Variants in ERC1 observed in about 807,000 individuals in gnomAD.
ERC1 encodes ELKS/RAB6-interacting/CAST family member 1.
ERC1 carries 56 observed loss-of-function variants against 132.0 expected under a neutral mutation model. That is an observed-to-expected ratio of 0.42 (90% confidence interval 0.34 to 0.53). The LOEUF (loss-of-function observed/expected upper bound fraction) is 0.53, where lower values mean the gene tolerates loss of function less well. ERC1 is among the 20% of genes least tolerant of loss of function. The pLI, the probability that ERC1 is intolerant of heterozygous loss-of-function variation, is 0.03. For synonymous variants in ERC1, 478 were observed against 476.1 expected (o/e 1.00, Z -0.05); for missense variants, 1,202 against 1,349.9 (o/e 0.89, Z 1.72).
At chr12:1,424,832 TAGATAGATAGATGATAGATA>T (rs1214247802) in intron 17 of ERC1, among the ~76,000 whole-genome samples, 202 of 124,396 alleles carry the variant, frequency 1.6e-3, no homozygotes, top group African/African-American at 5.6e-3. Context: ...GATAGATAGA[TAGATAGATAGATGATAGATA>T]GATAGATAGA....
intron 2 of ERC1, among the ~76,000 whole-genome samples, chr12:1,077,157 A>G (rs1941487989): frequency 6.7e-6 from 1 of 149,550 alleles, no homozygotes; most frequent in Non-Finnish European, 1.5e-5. Flanking sequence ...GATCTTCTTG[A>G]TAAACAGTGT....
intron 7 of ERC1, among the ~76,000 whole-genome samples, chr12:1,133,681 T>C (rs920837590): frequency 2.0e-5 from 3 of 152,208 alleles, no homozygotes; most frequent in African/African-American, 4.8e-5. Context: ...TTTACTCTCT[T>C]GGCAAATTTC....
At chr12:1,177,741 A>T (rs982994568) in intron 8 of ERC1, among the ~76,000 whole-genome samples, 1 of 152,246 alleles carries the variant, frequency 6.6e-6, no homozygotes, top group Admixed American at 6.5e-5. Flanking sequence ...CAGAGACACC[A>T]AGTTAGAAAG....
At chr12:1,237,042 T>C in intron 13 of ERC1, 138 bp downstream of exon 13, 1 of 1,004,762 alleles carries the variant, frequency 1.0e-6, no homozygotes, top group Non-Finnish European at 1.4e-6. Flanking sequence ...AGACCAACTG[T>C]TTAGCAATGA....
chr12:1,067,194 G>T (rs1302590602), intron 2 of ERC1, among the ~76,000 whole-genome samples: 1 of 152,112 alleles, frequency 6.6e-6, no homozygotes, highest in Non-Finnish European at 1.5e-5. Flanking sequence ...AAAAAGATTG[G>T]CAACCACTAA....
At chr12:1,032,857 T>G (rs1249468088) in intron 2 of ERC1, among the ~76,000 whole-genome samples, 4 of 151,872 alleles carry the variant, frequency 2.6e-5, no homozygotes, top group African/African-American at 4.8e-5. Context: ...TGATAGTACA[T>G]TCTCAGGTTT....
At chr12:1,046,449 A>G (rs1351073562) in intron 2 of ERC1, among the ~76,000 whole-genome samples, 1 of 152,218 alleles carries the variant, frequency 6.6e-6, no homozygotes, top group Non-Finnish European at 1.5e-5. Flanking sequence ...ATTATATGAA[A>G]TTCAAAATTC....
chr12:1,469,605 T>TG (rs900788776), intron 18 of ERC1, among the ~76,000 whole-genome samples: 1 of 152,196 alleles, frequency 6.6e-6, no homozygotes, highest in African/African-American at 2.4e-5. Context: ...CCACACTTTC[T>TG]GGGGGAACTG....
At chr12:1,352,174 C>A (rs1180541362) in intron 15 of ERC1, among the ~76,000 whole-genome samples, 5 of 152,134 alleles carry the variant, frequency 3.3e-5, no homozygotes, top group African/African-American at 1.2e-4. Flanking sequence ...CATCATATCA[C>A]CCTGTTCCTG....
At chr12:1,108,091 A>T (rs1310798845) in intron 4 of ERC1, among the ~76,000 whole-genome samples, 2 of 152,180 alleles carry the variant, frequency 1.3e-5, no homozygotes, top group East Asian at 3.8e-4. Flanking sequence ...TTGGTGCTAG[A>T]ACTAGTTGAG....
chr12:1,136,813 C>T (rs1245173571), intron 7 of ERC1, among the ~76,000 whole-genome samples: 1 of 151,840 alleles, frequency 6.6e-6, no homozygotes, highest in Admixed American at 6.6e-5. Context: ...TCCTAGATAT[C>T]CATGCATTTC....
In ERC1 at chr12:1,400,953, T is replaced by TTG. The variant is rs1477365626; in HGVS notation, c.2926-7196_2926-7195insTG. On this transcript the variant is annotated intron_variant, in intron 16 of 18. Coordinates refer to ENST00000360905, the MANE Select transcript of ERC1 (RefSeq NM_178040.4). ...TTTTTTTTTTTTTTTTTTTTTTTTT[T>TTG]GTGACGGAGTCTTGCTCTATCGCCC... 6.8e-4 allele frequency among the ~76,000 whole-genome samples: 61 copies of TTG among 90,338 alleles called. 15 individuals carry two copies. Among genetic ancestry groups the TTG allele is most frequent in the Non-Finnish European group, 1.0e-3 (43 of 42,174 alleles). 59.3% of individuals were successfully genotyped at this position (90,338 alleles called of 152,430 possible). A position where few individuals can be genotyped will look rare whatever the true frequency, so the allele number is the denominator to read the frequency against.
At chr12:1,032,934 G>A (rs906293809) in intron 2 of ERC1, among the ~76,000 whole-genome samples, 34 of 151,560 alleles carry the variant, frequency 2.2e-4, no homozygotes, top group African/African-American at 8.0e-4. Context: ...GTGCAGTGGC[G>A]TAACCTTGGC....
At chr12:1,472,117 T>C (rs1344395515) in intron 18 of ERC1, among the ~76,000 whole-genome samples, 1 of 152,148 alleles carries the variant, frequency 6.6e-6, no homozygotes, top group African/African-American at 2.4e-5. Context: ...CATTGTTGGG[T>C]ATTTGCCTGA....
chr12:1,145,023 C>CTT (rs1250285693), intron 8 of ERC1, among the ~76,000 whole-genome samples: 1 of 145,322 alleles, frequency 6.9e-6, no homozygotes, highest in African/African-American at 2.5e-5. Context: ...TGATGCAGAG[C>CTT]TTTTTTTTTT....
chr12:1,095,722 G>A (rs1943936298), intron 3 of ERC1, among the ~76,000 whole-genome samples: 1 of 152,100 alleles, frequency 6.6e-6, no homozygotes, highest in African/African-American at 2.4e-5. Context: ...TATTGACAAT[G>A]CGGGAGGCAT....
At chr12:1,018,287 C>T (rs1261198442) in intron 1 of ERC1, among the ~76,000 whole-genome samples, 2 of 152,150 alleles carry the variant, frequency 1.3e-5, no homozygotes, top group Non-Finnish European at 2.9e-5. Context: ...CTGCAACTTC[C>T]ACCTCCCGGC....
At chr12:1,352,703 G>A (rs938042628) in intron 15 of ERC1, among the ~76,000 whole-genome samples, 1 of 150,740 alleles carries the variant, frequency 6.6e-6, no homozygotes, top group East Asian at 1.9e-4. Context: ...CATGCACATA[G>A]TGGTCGCAGA....
rs1460417040 is a variant in ERC1 at position 1,033,947 on chromosome 12, G to A, written c.669+5375G>A. Reference sequence around the variant, plus strand: ...GCCCAGCTTAAATTCTGTTTTTATAGTTTGGTATTGAATTGTAAATATCAG... The same window carrying A: ...GCCCAGCTTAAATTCTGTTTTTATAATTTGGTATTGAATTGTAAATATCAG... On this transcript the variant is annotated intron_variant, in intron 2 of 18. Transcript: ENST00000360905. 2.6e-5 allele frequency among the ~76,000 whole-genome samples: 4 copies of A among 152,132 alleles called. 1 individual carries two copies. Among genetic ancestry groups the A allele is most frequent in the Admixed American group, 1.3e-4 (2 of 15,260 alleles).
Sources: gnomAD v4.1 joint callset for allele counts (sites outside exome capture counted in the v4.1 genomes callset) on GRCh38, gnomAD v4.1.1 for gene constraint, MANE v1.5 for transcripts, NCBI Gene and HGNC (gene_info 2026-07-23, HGNC 2026-07-21) for gene names.